The following MPPED2 variants were observed in gnomAD, a reference collection of about 807,000 sequenced individuals.
The protein encoded by MPPED2 is metallophosphoesterase MPPED2.
MPPED2 carries 5 observed loss-of-function variants against 33.0 expected under a neutral mutation model. The observed-to-expected ratio is 0.15, with a 90% CI of 0.08 to 0.32. MPPED2 has a LOEUF of 0.32. Ranked by LOEUF, MPPED2 falls within the 10% of genes least tolerant of loss-of-function variation. MPPED2 has a pLI of 1.00. For synonymous variants in MPPED2, 136 were observed against 141.9 expected (o/e 0.96, Z 0.29); for missense variants, 275 against 372.1 (o/e 0.74, Z 2.15).
chr11:30,544,369 A>G (rs1401443998), intron 2 of MPPED2, among the ~76,000 whole-genome samples: 1 of 152,216 alleles, frequency 6.6e-6, no homozygotes, highest in East Asian at 1.9e-4. Flanking sequence ...CTGAGTGCCC[A>G]TTATTCCACA....
chr11:30,386,749 A>T (rs757284033), exon 7 of MPPED2: 4 of 398,518 alleles, frequency 1.0e-5, no homozygotes, highest in Non-Finnish European at 1.8e-5. Flanking sequence ...ACAACAGTCA[A>T]ACCCTCCTGA....
intron 3 of MPPED2, among the ~76,000 whole-genome samples, chr11:30,499,526 A>G (rs1425726595): frequency 2.0e-5 from 3 of 151,460 alleles, no homozygotes; most frequent in African/African-American, 7.3e-5. Flanking sequence ...GATTCCTCCC[A>G]CTCCCATAAG....
At chr11:30,458,009 G>C (rs923267665) in intron 4 of MPPED2, among the ~76,000 whole-genome samples, 1 of 152,156 alleles carries the variant, frequency 6.6e-6, no homozygotes, top group East Asian at 1.9e-4. Context: ...CCCCACATAC[G>C]ATAAGCAATT....
At chr11:30,408,599 C>T (rs908737208), downstream of MPPED2, among the ~76,000 whole-genome samples, 2 of 152,134 alleles carry the variant, frequency 1.3e-5, no homozygotes, top group African/African-American at 4.8e-5. Context: ...TGTGAGCCAC[C>T]GTGCCTGTCT....
At chr11:30,517,771 T>C (rs4922835) in intron 3 of MPPED2, among the ~76,000 whole-genome samples, 38,831 of 152,044 alleles carry the variant, frequency 0.26, 5,008 homozygotes, top group Middle Eastern at 0.32. Flanking sequence ...AGAACTGCCA[T>C]GCCAAGCTTC....
Position 30,536,058 on chromosome 11 carries a change from G to C in MPPED2, c.246C>G (p.Leu82=), listed in dbSNP as rs878917498. ...CCAGCTCGGTGAAATCGCCTGTGTG[G>C]AGAAGGATGTCCCCATAAGGCATCT... The part of the protein sequence containing the change: ...GIQMPYGDIL[L]HTGDFTELGL... Residue 82 remains leucine, a synonymous_variant, in exon 3 of 7, where the codon CTC becomes CTG. Transcript: ENST00000358117. The C allele has an allele frequency of 1.2e-6, 2 of 1,613,530 alleles. No homozygotes were observed. Among genetic ancestry groups the C allele is most frequent in the Admixed American group, 1.7e-5 (1 of 59,948 alleles).
intron 2 of MPPED2, 148 bp downstream of exon 2, chr11:30,580,098 A>G: frequency 1.3e-6 from 1 of 747,250 alleles, no homozygotes; most frequent in Non-Finnish European, 2.2e-6. Flanking sequence ...ATTCCTCCTG[A>G]GCTGTATTTG....
In MPPED2 at chr11:30,477,250, C is replaced by A. The variant is rs189021804; in HGVS notation, c.536+18046G>T. Among the ~76,000 whole-genome samples the A allele has an allele frequency of 3.5e-3, 527 of 151,966 alleles. 11 individuals are homozygous for A. Among genetic ancestry groups the A allele is most frequent in the East Asian group, 3.1e-3 (16 of 5,158 alleles). On this transcript the variant is annotated intron_variant, in intron 4 of 6. Transcript: ENST00000358117. The stretch of plus-strand genomic sequence containing the variant: ...TGTGTGTTTATTACACCATGGAGGA[C>A]CTTCATAACAATGGTAAATAGCAGT...
At chr11:30,498,627 C>T (rs894516195) in intron 3 of MPPED2, among the ~76,000 whole-genome samples, 3 of 151,208 alleles carry the variant, frequency 2.0e-5, no homozygotes, top group African/African-American at 7.3e-5. Flanking sequence ...ACTAATGGTA[C>T]ACAAGATTAT....
intron 3 of MPPED2, chr11:30,504,736 A>T: frequency 7.8e-7 from 1 of 1,278,074 alleles, no homozygotes; most frequent in Non-Finnish European, 1.0e-6. Context: ...TAATACTCAC[A>T]CTTGCTGATG....
At chr11:30,566,214 G>A (rs1956436486) in intron 2 of MPPED2, among the ~76,000 whole-genome samples, 1 of 152,124 alleles carries the variant, frequency 6.6e-6, no homozygotes. Flanking sequence ...TAATGCTTCT[G>A]ACCGATAATT....
At chr11:30,458,681 A>C (rs905287422) in intron 4 of MPPED2, among the ~76,000 whole-genome samples, 3 of 152,182 alleles carry the variant, frequency 2.0e-5, no homozygotes, top group Admixed American at 6.5e-5. Context: ...TAGTAGGCAT[A>C]AAAATCACCC....
chr11:30,448,949 C>T (rs931614087), intron 4 of MPPED2, among the ~76,000 whole-genome samples: 9 of 151,534 alleles, frequency 5.9e-5, no homozygotes, highest in East Asian at 2.0e-4. Flanking sequence ...CCACCACCCC[C>T]GGCCACTCCC....
chr11:30,544,540 G>A (rs369437816), intron 2 of MPPED2, among the ~76,000 whole-genome samples: 2 of 152,172 alleles, frequency 1.3e-5, no homozygotes, highest in African/African-American at 2.4e-5. Flanking sequence ...AAATGCTTAC[G>A]AACATGCCTG....
intron 3 of MPPED2, among the ~76,000 whole-genome samples, chr11:30,499,099 A>T (rs767421966): frequency 6.6e-6 from 1 of 152,046 alleles, no homozygotes; most frequent in Non-Finnish European, 1.5e-5. Context: ...GCCATCACAA[A>T]ATTTGTCCAG....
chr11:30,580,112 CCA>C, intron 2 of MPPED2, 132 bp downstream of exon 2: 3 of 874,062 alleles, frequency 3.4e-6, no homozygotes, highest in Non-Finnish European at 5.2e-6. Context: ...GTATTTGAAA[CCA>C]CAGATATCCA....
At chr11:30,395,554 TAGAA>T (rs1947829592) in intron 6 of MPPED2, among the ~76,000 whole-genome samples, 1 of 152,130 alleles carries the variant, frequency 6.6e-6, no homozygotes, top group Admixed American at 6.5e-5. Flanking sequence ...TCATTTATAT[TAGAA>T]AGAAGCCTCT....
downstream of MPPED2, among the ~76,000 whole-genome samples, chr11:30,408,470 C>T (rs894493025): frequency 2.6e-5 from 4 of 152,182 alleles, no homozygotes; most frequent in Admixed American, 2.0e-4. Context: ...TGCCACCACG[C>T]CCAGCTAATT....
chr11:30,470,532 G>A (rs564998909), intron 4 of MPPED2, among the ~76,000 whole-genome samples: 1 of 152,228 alleles, frequency 6.6e-6, no homozygotes, highest in Admixed American at 6.5e-5. Context: ...CCGTGGTAAT[G>A]ACTGCCTAAC....
Sources: allele counts gnomAD v4.1 joint callset (sites outside exome capture counted in the v4.1 genomes callset), GRCh38; gene constraint gnomAD v4.1.1; transcripts MANE v1.5; gene names NCBI Gene and HGNC (gene_info 2026-07-23, HGNC 2026-07-21).